The following ADGRL2 variants were observed in gnomAD, a reference collection of about 807,000 sequenced individuals.
ADGRL2 encodes adhesion G protein-coupled receptor L2.
In ADGRL2, 44 loss-of-function variants were observed where a neutral mutation model predicts 157.4. The observed-to-expected ratio is 0.28, with a 90% CI of 0.22 to 0.36. The LOEUF (loss-of-function observed/expected upper bound fraction) is 0.36, where lower values mean the gene tolerates loss of function less well. Among genes scored for constraint, ADGRL2 ranks in the 10% least tolerant of loss-of-function variants. The pLI, the probability that ADGRL2 is intolerant of heterozygous loss-of-function variation, is 1.00. For missense variants in ADGRL2, 1,510 were observed against 1,768.9 expected (o/e 0.85, Z 2.63); for synonymous variants, 585 against 624.7 (o/e 0.94, Z 0.95).
Position 81,951,125 on chromosome 1 carries a change from G to T in ADGRL2, c.1608+4G>T. 1.3e-6 allele frequency: 2 copies of T among 1,596,872 alleles called. No homozygotes were observed. The highest frequency in any genetic ancestry group is 2.2e-5 in the South Asian group (2 of 90,604). ...GGTGAATCAGCTGGCTCAGAAGGTT[G>T]GTTGGAACCTTTTAATATGACACAT... On this transcript the variant is annotated splice_donor_region_variant and intron_variant, in intron 8 of 23. Coordinates refer to ENST00000686636, the MANE Select transcript of ADGRL2 (RefSeq NM_001366006.2).
chr1:81,921,540 C>A (rs1470262790), intron 3 of ADGRL2, among the ~76,000 whole-genome samples: 1 of 152,146 alleles, frequency 6.6e-6, no homozygotes, highest in African/African-American at 2.4e-5. Flanking sequence ...CAGAAGAGCA[C>A]AACATTTGCT....
At chr1:81,821,287 C>G (rs1412968478) in intron 1 of ADGRL2, among the ~76,000 whole-genome samples, 1 of 152,054 alleles carries the variant, frequency 6.6e-6, no homozygotes, top group Non-Finnish European at 1.5e-5. Flanking sequence ...ACTTAGCAAC[C>G]TAAGTGAAGC....
intron 14 of ADGRL2, 52 bp downstream of exon 14, chr1:81,968,251 A>C: frequency 6.8e-7 from 1 of 1,472,302 alleles, no homozygotes. Flanking sequence ...AGAGATTCAA[A>C]ACAGCTTGTA....
chr1:81,504,627 T>C (rs2078929883), intron 2 of ADGRL2, among the ~76,000 whole-genome samples: 1 of 152,068 alleles, frequency 6.6e-6, no homozygotes, highest in East Asian at 1.9e-4. Context: ...GGTGGAGGCA[T>C]GCAGGGGAGA....
intron 1 of ADGRL2, among the ~76,000 whole-genome samples, chr1:81,812,707 T>A (rs954164543): frequency 1.3e-5 from 2 of 151,826 alleles, no homozygotes; most frequent in Non-Finnish European, 1.5e-5. Context: ...CCTCTACATT[T>A]AATTAATAGA....
chr1:81,963,983 T>C (rs1656287505), intron 11 of ADGRL2, among the ~76,000 whole-genome samples: 1 of 151,512 alleles, frequency 6.6e-6, no homozygotes, highest in African/African-American at 2.4e-5. Flanking sequence ...TAGGAAAGTT[T>C]CTATTGTCTT....
intron 2 of ADGRL2, among the ~76,000 whole-genome samples, chr1:81,892,740 A>T (rs1451261513): frequency 6.6e-6 from 1 of 152,188 alleles, no homozygotes; most frequent in Non-Finnish European, 1.5e-5. Flanking sequence ...GACAATTTTC[A>T]GATCTTATTA....
chr1:81,420,889 G>A (rs934431584), intron 1 of ADGRL2, among the ~76,000 whole-genome samples: 1 of 152,140 alleles, frequency 6.6e-6, no homozygotes, highest in Non-Finnish European at 1.5e-5. Flanking sequence ...AATATCAGCT[G>A]AGTAAAAGCA....
intron 3 of ADGRL2, among the ~76,000 whole-genome samples, chr1:81,656,830 C>A (rs981983397): frequency 1.3e-5 from 2 of 151,724 alleles, no homozygotes; most frequent in African/African-American, 4.8e-5. Context: ...GGCAACATGG[C>A]AAAACCCTGT....
At chr1:81,939,466 A>G (rs1298990018) in intron 4 of ADGRL2, among the ~76,000 whole-genome samples, 2 of 151,550 alleles carry the variant, frequency 1.3e-5, no homozygotes, top group African/African-American at 4.8e-5. Flanking sequence ...CTATAATATT[A>G]GCCACAAATT....
chr1:81,515,251 T>A (rs1476010972), intron 2 of ADGRL2: 1 of 152,128 alleles, frequency 6.6e-6, no homozygotes, highest in Non-Finnish European at 1.5e-5. Context: ...AGCATCAGTG[T>A]CTTTGGGATG....
intron 2 of ADGRL2, among the ~76,000 whole-genome samples, chr1:81,535,691 C>T (rs142087342): frequency 5.3e-4 from 80 of 152,134 alleles, no homozygotes; most frequent in African/African-American, 1.1e-3. Flanking sequence ...AACATATAAA[C>T]GCATAGCAGG....
chr1:81,891,522 C>G (rs1413396256), intron 2 of ADGRL2, among the ~76,000 whole-genome samples: 1 of 152,082 alleles, frequency 6.6e-6, no homozygotes, highest in East Asian at 1.9e-4. Context: ...GAGAAAATGT[C>G]ACCATATTTT....
intron 3 of ADGRL2, among the ~76,000 whole-genome samples, chr1:81,629,821 C>A (rs1192903602): frequency 1.3e-5 from 2 of 151,778 alleles, no homozygotes; most frequent in African/African-American, 2.4e-5. Flanking sequence ...GAACTCCTGG[C>A]CTCAAGTGAT....
chr1:81,543,498 G>T (rs1165958873), intron 2 of ADGRL2, among the ~76,000 whole-genome samples: 1 of 152,170 alleles, frequency 6.6e-6, no homozygotes, highest in African/African-American at 2.4e-5. Flanking sequence ...TGTTAAAGCG[G>T]TATGAATGGA....
intron 2 of ADGRL2, among the ~76,000 whole-genome samples, chr1:81,449,602 C>A (rs779007280): frequency 2.0e-5 from 3 of 152,036 alleles, no homozygotes; most frequent in Non-Finnish European, 4.4e-5. Flanking sequence ...ATTTGTTTTA[C>A]TTTATTTATT....
At position 81,905,947 on chromosome 1, in the gene ADGRL2, A is replaced by AGTGTGTGTGT. The variant is rs3046460; in HGVS notation, c.74-1039_74-1030dup. 4.6e-3 allele frequency among the ~76,000 whole-genome samples: 661 copies of AGTGTGTGTGT among 144,572 alleles called. 4 individuals are homozygous for AGTGTGTGTGT. The highest frequency in any genetic ancestry group is 0.012 in the African/African-American group (481 of 39,326). The allele number at this position is 144,572 out of a possible 152,430, so 94.8% of individuals were successfully genotyped here. ...GGTCAGGAGATGGAGAAAAAAGCAG[A>AGTGTGTGTGT]GTGTGTGTGTGTGTGTGTGTGTGTG... On this transcript the variant is annotated intron_variant, in intron 2 of 23. Transcript: ENST00000686636.
At chr1:81,930,559 G>T (rs906279053) in intron 3 of ADGRL2, among the ~76,000 whole-genome samples, 15 of 152,178 alleles carry the variant, frequency 9.9e-5, no homozygotes, top group African/African-American at 3.6e-4. Flanking sequence ...ATGGTTAAGT[G>T]ATGCATTAGC....
At chr1:81,962,372 C>G (rs1210512461) in intron 11 of ADGRL2, among the ~76,000 whole-genome samples, 3 of 151,894 alleles carry the variant, frequency 2.0e-5, no homozygotes, top group African/African-American at 7.3e-5. Flanking sequence ...TTTCTTTATA[C>G]TTCTATGTAT....
Sources: gnomAD v4.1 joint callset for allele counts (sites outside exome capture counted in the v4.1 genomes callset) on GRCh38, gnomAD v4.1.1 for gene constraint, MANE v1.5 for transcripts, NCBI Gene and HGNC (gene_info 2026-07-23, HGNC 2026-07-21) for gene names.